Variants in RET observed in about 807,000 individuals in gnomAD.
The protein encoded by RET is ret proto-oncogene.
A neutral mutation model predicts 118.3 loss-of-function variants in RET; 19 were observed. That is an observed-to-expected ratio of 0.16 (90% CI 0.11 to 0.24). RET has a LOEUF of 0.24. Ranked by LOEUF, RET falls within the 10% of genes least tolerant of loss-of-function variation. RET has a pLI of 1.00. For missense variants in RET, 1,219 were observed against 1,502.1 expected (o/e 0.81, Z 3.12); for synonymous variants, 597 against 644.1 (o/e 0.93, Z 1.11).
rs1157129061 is a variant in RET at position 43,077,295 on chromosome 10, C to CTGCGGT, written c.40_41insGGTTGC (p.Arg12_Leu13dup). 1.3e-6 allele frequency: 2 copies of CTGCGGT among 1,511,416 alleles called. No individual in the cohort carries two copies. Among genetic ancestry groups the CTGCGGT allele is most frequent in the African/African-American group, 2.8e-5 (2 of 70,198 alleles). The allele number at this position is 1,511,416 out of a possible 1,614,324, so 93.6% of individuals were successfully genotyped here. A position where few individuals can be genotyped will look rare whatever the true frequency, so the allele number is the denominator to read the frequency against. On this transcript the variant is annotated inframe_insertion, in exon 1 of 20. Coordinates refer to ENST00000355710, the MANE Select transcript of RET (RefSeq NM_020975.6). ...GACGTCCGGTGCCGCGGGGCTGCGT[C>CTGCGGT]TGCTGTTGCTGCTGCTGCTGCCGCT...
Position 43,107,559 on chromosome 10 carries a change from TCACACACA to T in RET, c.1063+1024_1063+1031del, listed in dbSNP as rs59876947. Among the ~76,000 whole-genome samples, 702 of 140,818 alleles carry T rather than the reference TCACACACA, an allele frequency of 5.0e-3. 5 individuals carry two copies. The highest frequency in any genetic ancestry group is 0.012 in the African/African-American group (463 of 38,018). The allele number at this position is 140,818 out of a possible 152,430, so 92.4% of individuals were successfully genotyped here. A position where few individuals can be genotyped will look rare whatever the true frequency, so the allele number is the denominator to read the frequency against. The stretch of plus-strand genomic sequence containing the variant: ...ATGTAGACCTTTAACCCCCCATGCC[TCACACACA>T]CACACACACACACACACACACACAC... On this transcript the variant is annotated intron_variant, in intron 5 of 19. Transcript: ENST00000355710.
At chr10:43,104,753 A>C in intron 3 of RET, 199 bp from the exon 4 acceptor site, 2 of 788,100 alleles carry the variant, frequency 2.5e-6, no homozygotes. Flanking sequence ...TGCAAACTGC[A>C]AACTCGTAAG....
intron 1 of RET, among the ~76,000 whole-genome samples, chr10:43,081,744 G>C (rs1837188494): frequency 6.6e-6 from 1 of 152,196 alleles, no homozygotes; most frequent in South Asian, 2.1e-4. Context: ...GCTGGAAGGG[G>C]AGAAGGCCCC....
chr10:43,088,471 G>T (rs1358470285), intron 1 of RET, among the ~76,000 whole-genome samples: 1 of 152,054 alleles, frequency 6.6e-6, no homozygotes, highest in Non-Finnish European at 1.5e-5. Flanking sequence ...GATGGTGCTG[G>T]TGGTAGTGGT....
chr10:43,090,314 G>A (rs903198975), intron 1 of RET, among the ~76,000 whole-genome samples: 8 of 152,166 alleles, frequency 5.3e-5, no homozygotes, highest in Admixed American at 1.3e-4. Flanking sequence ...GCACTTAATC[G>A]TCACTTGGAA....
At chr10:43,115,830 T>C (rs1838058386) in intron 11 of RET, among the ~76,000 whole-genome samples, 1 of 152,074 alleles carries the variant, frequency 6.6e-6, no homozygotes, top group Non-Finnish European at 1.5e-5. Context: ...GCTGTGGAGG[T>C]GACAGCGGCA....
chr10:43,113,659 G>A lies in RET; in HGVS notation c.1863G>A (p.Glu621=), dbSNP rs766438951. 4 of 1,613,206 alleles carry A rather than the reference G, an allele frequency of 2.5e-6. No individual in the cohort carries two copies. Among genetic ancestry groups the A allele is most frequent in the East Asian group, 2.2e-5 (1 of 44,866 alleles). ...CFPEEEKCFC[E]PEDIQDPLCD... Reference sequence around the variant, plus strand: ...CTGAGGAGGAGAAGTGCTTCTGCGAGCCCGAAGACATCCAGGGTGAGTGGG... The same window carrying A: ...CTGAGGAGGAGAAGTGCTTCTGCGAACCCGAAGACATCCAGGGTGAGTGGG... Residue 621 remains glutamate, a synonymous_variant, in exon 10 of 20, where the codon GAG becomes GAA. Transcript: ENST00000355710.
At position 43,077,227 on chromosome 10, in the gene RET, C is replaced by A; in HGVS notation, c.-32C>A. 1 of 1,482,946 alleles carries A rather than the reference C, an allele frequency of 6.7e-7. No homozygotes were observed. The highest frequency in any genetic ancestry group is 1.3e-5 in the South Asian group (1 of 79,276). The allele number at this position is 1,482,946 out of a possible 1,614,324, so 91.9% of individuals were successfully genotyped here. On this transcript the variant is annotated 5_prime_UTR_variant, in exon 1 of 20. Transcript: ENST00000355710. The stretch of plus-strand genomic sequence containing the variant: ...CAGACCCGCCGGCCCTAGCCGCAGT[C>A]CCTCCAGCCGTGGCCCCAGCGCGCA...
At chr10:43,077,927 CT>C (rs1473051707) in intron 1 of RET, among the ~76,000 whole-genome samples, 5 of 152,226 alleles carry the variant, frequency 3.3e-5, no homozygotes, top group African/African-American at 1.2e-4. Context: ...TCTGGGGTGG[CT>C]CCCCCCGAGG....
At chr10:43,119,935 G>A in intron 14 of RET, 146 bp from the exon 15 acceptor site, 11 of 1,324,768 alleles carry the variant, frequency 8.3e-6, no homozygotes, top group South Asian at 5.2e-5. Context: ...ACTCCACCAC[G>A]CCCCTGCCAT....
At chr10:43,093,342 T>G in intron 1 of RET, among the ~76,000 whole-genome samples, 1 of 146,310 alleles carries the variant, frequency 6.8e-6, no homozygotes, top group Non-Finnish European at 1.5e-5. Flanking sequence ...GGGTGAGGGG[T>G]GAAAGAGAAA....
At position 43,128,519 on chromosome 10, in the gene RET, T is replaced by A; in HGVS notation, c.*250T>A. 1.8e-6 allele frequency: 1 copy of A among 567,344 alleles called. No individual in the cohort carries two copies. Among genetic ancestry groups the A allele is most frequent in the South Asian group, 2.0e-5 (1 of 51,066 alleles). 35.1% of individuals were successfully genotyped at this position (567,344 alleles called of 1,614,324 possible). On this transcript the variant is annotated 3_prime_UTR_variant, in exon 20 of 20. Transcript: ENST00000355710. ...GTCTTAGTGGTTAAGCATTCCTTTC[T>A]CTTCAGTGCCCAGCAGCACCCAGTG...
chr10:43,099,768 G>C (rs1837596471), intron 1 of RET, among the ~76,000 whole-genome samples: 1 of 152,168 alleles, frequency 6.6e-6, no homozygotes, highest in Non-Finnish European at 1.5e-5. Context: ...CCAGAATCAT[G>C]CCATGTGCGC....
intron 1 of RET, among the ~76,000 whole-genome samples, chr10:43,096,470 GA>G (rs1837524788): frequency 6.6e-6 from 1 of 152,076 alleles, no homozygotes; most frequent in Non-Finnish European, 1.5e-5. Context: ...TCTTATATGT[GA>G]AATGGGCAGT....
intron 12 of RET, 58 bp from the exon 13 acceptor site, chr10:43,118,315 G>T (rs1003203010): frequency 1.5e-6 from 2 of 1,372,020 alleles, no homozygotes; most frequent in African/African-American, 1.4e-5. Context: ...ACCTGGTATG[G>T]TCATGGAAGG....
intron 18 of RET, among the ~76,000 whole-genome samples, chr10:43,126,196 T>G (rs978624200): frequency 6.6e-6 from 1 of 152,228 alleles, no homozygotes; most frequent in African/African-American, 2.4e-5. Context: ...CAAGGGTTTG[T>G]CAGCGGGCTG....
rs915568371 is a variant in RET, at chr10:43,127,205, C to G, written c.3187+483C>G. The G allele has an allele frequency of 1.2e-5, 13 of 1,084,746 alleles. No individual in the cohort carries two copies. The African/African-American group carries it at 1.6e-4, about 14-fold the overall frequency. The allele number at this position is 1,084,746 out of a possible 1,614,324, so 67.2% of individuals were successfully genotyped here. A position where few individuals can be genotyped will look rare whatever the true frequency, so the allele number is the denominator to read the frequency against. On this transcript the variant is annotated intron_variant, in intron 19 of 19. Transcript: ENST00000355710. ...CAGGCAGGTGCCTCTCAGAGGCCAC[C>G]CGGCACTGGCGAGCAGCCACTGGCC...
chr10:43,109,468 C>G (rs768553013), intron 6 of RET, among the ~76,000 whole-genome samples: 3 of 152,186 alleles, frequency 2.0e-5, no homozygotes, highest in Admixed American at 6.5e-5. Flanking sequence ...TTCTTGGTAT[C>G]TTTAAAATGT....
At chr10:43,112,306 G>C (rs1837958106) in intron 8 of RET, 82 bp downstream of exon 8, 8 of 1,450,186 alleles carry the variant, frequency 5.5e-6, no homozygotes, top group Non-Finnish European at 7.3e-6. Flanking sequence ...TGCCAGCCTG[G>C]GGTGGCTCTC....
Sources: allele counts gnomAD v4.1 joint callset (sites outside exome capture counted in the v4.1 genomes callset), GRCh38; gene constraint gnomAD v4.1.1; transcripts MANE v1.5; gene names NCBI Gene and HGNC (gene_info 2026-07-23, HGNC 2026-07-21).